Variants in GRM7 observed in about 807,000 individuals in gnomAD.
GRM7 encodes metabotropic glutamate receptor 7.
In GRM7, 35 loss-of-function variants were observed where a neutral mutation model predicts 84.5. The ratio of observed to expected loss-of-function variants is 0.41; its 90% CI spans 0.32 to 0.55. GRM7 has a LOEUF of 0.55. Among genes scored for constraint, GRM7 ranks in the 20% least tolerant of loss-of-function variants. GRM7 has a pLI of 0.19. For synonymous variants in GRM7, 487 were observed against 455.1 expected (o/e 1.07, Z -0.89); for missense variants, 1,003 against 1,194.6 (o/e 0.84, Z 2.36).
intron 8 of GRM7, among the ~76,000 whole-genome samples, chr3:7,588,009 A>G (rs1472275867): frequency 6.6e-6 from 1 of 152,122 alleles, no homozygotes; most frequent in African/African-American, 2.4e-5. Flanking sequence ...CTTGAACACT[A>G]GCTTCAGTCT....
chr3:6,963,830 G>A (rs990919371), intron 1 of GRM7, among the ~76,000 whole-genome samples: 1 of 152,160 alleles, frequency 6.6e-6, no homozygotes, highest in Non-Finnish European at 1.5e-5. Flanking sequence ...CTCTCAGTAT[G>A]AGTGAGAAAT....
chr3:7,369,879 C>T lies in GRM7; in HGVS notation c.1034-45144C>T, dbSNP rs139733789. 3.8e-3 allele frequency among the ~76,000 whole-genome samples: 579 copies of T among 152,188 alleles called. 6 individuals are homozygous for T. Among genetic ancestry groups the T allele is most frequent in the African/African-American group, 0.013 (550 of 41,532 alleles). On this transcript the variant is annotated intron_variant, in intron 4 of 9. Coordinates refer to ENST00000357716, the MANE Select transcript of GRM7 (RefSeq NM_000844.4). ...ATAAGATTCTTTTGAATAGCATAAC[C>T]GTATTCTGGTTTACAGTATTTTTCT... is the stretch of plus-strand genomic sequence containing the variant.
intron 1 of GRM7, among the ~76,000 whole-genome samples, chr3:6,949,332 T>A (rs567683226): frequency 6.6e-6 from 1 of 152,296 alleles, no homozygotes; most frequent in South Asian, 2.1e-4. Context: ...TTTGGCTGAA[T>A]ATGAAATTCT....
chr3:7,205,543 GT>G (rs1216805375), intron 2 of GRM7, among the ~76,000 whole-genome samples: 5 of 152,128 alleles, frequency 3.3e-5, no homozygotes, highest in African/African-American at 1.2e-4. Context: ...CTTATATAAT[GT>G]TTCCTTTTGA....
At chr3:6,971,195 A>G (rs777112435) in intron 1 of GRM7, among the ~76,000 whole-genome samples, 7 of 152,206 alleles carry the variant, frequency 4.6e-5, no homozygotes, top group Non-Finnish European at 5.9e-5. Context: ...AATTAAAAAT[A>G]ACAACAAAGC....
chr3:6,920,803 G>A (rs991257503), intron 1 of GRM7, among the ~76,000 whole-genome samples: 14 of 151,886 alleles, frequency 9.2e-5, no homozygotes, highest in African/African-American at 2.9e-4. Context: ...ACCTGAGAAG[G>A]GCCTTCTATA....
intron 4 of GRM7, among the ~76,000 whole-genome samples, chr3:7,356,739 G>A (rs936564013): frequency 1.1e-4 from 16 of 152,210 alleles, no homozygotes; most frequent in Admixed American, 8.5e-4. Flanking sequence ...ATTTGTACCA[G>A]CAGCTTTTTG....
intron 8 of GRM7, among the ~76,000 whole-genome samples, chr3:7,616,938 A>G (rs1022766749): frequency 2.6e-5 from 4 of 152,184 alleles, no homozygotes; most frequent in Non-Finnish European, 4.4e-5. Context: ...TTGTAATGGA[A>G]TTAAACTAAG....
intron 9 of GRM7, among the ~76,000 whole-genome samples, chr3:7,714,336 C>T (rs1354936856): frequency 6.6e-6 from 1 of 152,136 alleles, no homozygotes; most frequent in African/African-American, 2.4e-5. Context: ...ATCTCAACTT[C>T]CCAGATTTAA....
At chr3:7,321,032 C>T (rs1357586642) in intron 4 of GRM7, among the ~76,000 whole-genome samples, 1 of 151,750 alleles carries the variant, frequency 6.6e-6, no homozygotes, top group Admixed American at 6.6e-5. Context: ...TATCCTAGTG[C>T]TTTTTTCCAT....
intron 1 of GRM7, among the ~76,000 whole-genome samples, chr3:7,052,808 G>C (rs559446248): frequency 1.4e-5 from 2 of 147,324 alleles, no homozygotes; most frequent in Non-Finnish European, 3.0e-5. Flanking sequence ...TGGGCATTTA[G>C]GTTCTTTCCC....
chr3:7,325,306 A>G (rs1160277854), intron 4 of GRM7, among the ~76,000 whole-genome samples: 2 of 152,218 alleles, frequency 1.3e-5, no homozygotes, highest in African/African-American at 4.8e-5. Context: ...ACAAAAATAC[A>G]AAGAAATTTT....
intron 1 of GRM7, among the ~76,000 whole-genome samples, chr3:7,123,512 G>C (rs1378803064): frequency 6.6e-6 from 1 of 152,064 alleles, no homozygotes; most frequent in Admixed American, 6.6e-5. Flanking sequence ...CCAGCTATTT[G>C]GGAGGTTGAG....
At chr3:7,257,059 C>G (rs1291389373) in intron 2 of GRM7, among the ~76,000 whole-genome samples, 1 of 152,124 alleles carries the variant, frequency 6.6e-6, no homozygotes, top group Non-Finnish European at 1.5e-5. Flanking sequence ...CATTTCCTGC[C>G]TCCAATTTTA....
rs548408534 is a variant in GRM7, at chr3:7,701,046, G to A, written c.2698+20751G>A. The stretch of plus-strand genomic sequence containing the variant: ...GCCCTTTTTACCCTTTCCCCCAGGG[G>A]AACAGATGCATGAAATTGTTTAGAA... On this transcript the variant is annotated intron_variant, in intron 9 of 9. Transcript: ENST00000357716. Among the ~76,000 whole-genome samples the A allele has an allele frequency of 3.3e-5, 5 of 152,274 alleles. No homozygotes were observed. The East Asian group carries it at 9.7e-4, about 29-fold the overall frequency.
At chr3:7,657,865 G>T (rs995715981) in intron 8 of GRM7, among the ~76,000 whole-genome samples, 2 of 152,154 alleles carry the variant, frequency 1.3e-5, no homozygotes, top group African/African-American at 4.8e-5. Flanking sequence ...TGGAGCACTG[G>T]TCTCAATATA....
chr3:7,206,412 G>C (rs6786155), intron 2 of GRM7, among the ~76,000 whole-genome samples: 41,850 of 152,034 alleles, frequency 0.28, 5,854 homozygotes, highest in Middle Eastern at 0.36. Flanking sequence ...ACAACTAAAT[G>C]ATGTCAGATG....
chr3:7,177,057 C>T (rs550080867), intron 2 of GRM7, among the ~76,000 whole-genome samples: 57 of 152,288 alleles, frequency 3.7e-4, no homozygotes, highest in Middle Eastern at 3.4e-3. Context: ...TTTTCTGAAT[C>T]CTTATCTTTG....
intron 1 of GRM7, among the ~76,000 whole-genome samples, chr3:7,122,480 A>G (rs1693259192): frequency 6.6e-6 from 1 of 152,224 alleles, no homozygotes; most frequent in African/African-American, 2.4e-5. Flanking sequence ...AACAAATATT[A>G]AAAATTAATT....
Sources: allele counts gnomAD v4.1 joint callset (sites outside exome capture counted in the v4.1 genomes callset), GRCh38; gene constraint gnomAD v4.1.1; transcripts MANE v1.5; gene names NCBI Gene and HGNC (gene_info 2026-07-23, HGNC 2026-07-21).